TMEM222: variants seen among roughly 807,000 people sequenced by gnomAD.
The protein encoded by TMEM222 is chromosome 1 open reading frame 160.
In TMEM222, 18 loss-of-function variants were observed where a neutral mutation model predicts 25.1. That is an observed-to-expected ratio of 0.72 (90% CI 0.50 to 1.06). The LOEUF is 1.06. Among genes scored for constraint, TMEM222 ranks in the 50% least tolerant of loss-of-function variants. TMEM222 has a pLI of 0.00. For missense variants in TMEM222, 296 were observed against 293.7 expected (o/e 1.01, Z -0.06); for synonymous variants, 131 against 117.9 (o/e 1.11, Z -0.72).
chr1:27,331,152 G>C (rs560973537), intron 2 of TMEM222: 67 of 1,145,060 alleles, frequency 5.9e-5, no homozygotes, highest in Middle Eastern at 4.7e-4. Flanking sequence ...GAGTCAAGGT[G>C]GGGGGACACG....
rs774169412 is a variant in TMEM222 at position 27,335,402 on chromosome 1, G to T, written c.563G>T (p.Trp188Leu). 22 of 1,614,080 alleles carry T rather than the reference G, an allele frequency of 1.4e-5. No homozygotes were observed. The highest frequency in any genetic ancestry group is 1.7e-5 in the Non-Finnish European group (20 of 1,180,038). Residue 188 changes from tryptophan (W) to leucine (L), a missense_variant, in exon 6 of 6, where the codon TGG (tryptophan) becomes TTG (leucine). Trp to Leu is a moderately conservative substitution (Grantham distance 61). Coordinates refer to ENST00000374076, the MANE Select transcript of TMEM222 (RefSeq NM_032125.3). ...YVSVGAFVKT[W>L]LPFILLLGII... ...AGCGTTGGGGCCTTCGTGAAGACCT[G>T]GCTGCCCTTCATCCTTCTCCTGGGC...
In TMEM222 at chr1:27,322,245, A is replaced by C; in HGVS notation, c.48A>C (p.Pro16=). ...CTCTGCTCTTGTTGCCGCCGCCGCC[A>C]CCCCCGCCCAGGATGGCGGAAGTGG... ...GSSLLLLPPP[P]PPPRMAEVEA... is the part of the protein sequence containing the mutation. The change falls in exon 1 of 6, where the codon CCA becomes CCC. Residue 16 remains proline (P), a synonymous_variant. Coordinates refer to ENST00000374076, the MANE Select transcript of TMEM222 (RefSeq NM_032125.3). The C allele has an allele frequency of 5.4e-6, 8 of 1,471,288 alleles. No homozygotes were observed. Among genetic ancestry groups the C allele is most frequent in the Non-Finnish European group, 7.2e-6 (8 of 1,106,006 alleles). 91.1% of individuals were successfully genotyped at this position (1,471,288 alleles called of 1,614,324 possible). A position where few individuals can be genotyped will look rare whatever the true frequency, so the allele number is the denominator to read the frequency against.
rs761815638 is a variant in TMEM222 at position 27,335,388 on chromosome 1, C to T, written c.549C>T (p.Ala183=). 3 of 1,614,112 alleles carry T rather than the reference C, an allele frequency of 1.9e-6. No homozygotes were observed. Among genetic ancestry groups the T allele is most frequent in the South Asian group, 2.2e-5 (2 of 91,094 alleles). Residue 183 remains alanine (A), a synonymous_variant, in exon 6 of 6, where the codon GCC becomes GCT. Coordinates refer to ENST00000374076, the MANE Select transcript of TMEM222 (RefSeq NM_032125.3). ...CCTTTCTCTCTGTCAGCGTTGGGGCCTTCGTGAAGACCTGGCTGCCCTTCA... is the reference window on the plus strand; with the variant it reads ...CCTTTCTCTCTGTCAGCGTTGGGGCTTTCGTGAAGACCTGGCTGCCCTTCA... The part of the protein sequence containing the change: ...LLYGKYVSVG[A]FVKTWLPFIL...
At chr1:27,328,839 G>A (rs2014412857) in intron 1 of TMEM222, among the ~76,000 whole-genome samples, 1 of 152,174 alleles carries the variant, frequency 6.6e-6, no homozygotes, top group Non-Finnish European at 1.5e-5. Flanking sequence ...CGTCTCTGGA[G>A]GCTTGGCCTG....
At chr1:27,327,691 G>T (rs1210920310) in intron 1 of TMEM222, among the ~76,000 whole-genome samples, 1 of 151,576 alleles carries the variant, frequency 6.6e-6, no homozygotes, top group Non-Finnish European at 1.5e-5. Flanking sequence ...GCCCAGCCTT[G>T]ACTCACTGCA....
chr1:27,331,039 C>T, intron 2 of TMEM222: 1 of 1,428,944 alleles, frequency 7.0e-7, no homozygotes, highest in Non-Finnish European at 9.2e-7. Context: ...TGACCCAGCC[C>T]TTTGCCCCCA....
At chr1:27,325,362 A>G in intron 1 of TMEM222, 1 of 891,806 alleles carries the variant, frequency 1.1e-6, no homozygotes. Flanking sequence ...GGCCACTACC[A>G]CATCCTCCTC....
At position 27,333,359 on chromosome 1, in the gene TMEM222, A is replaced by G. The variant is rs183420924; in HGVS notation, c.312-599A>G. 4 of 471,134 alleles carry G rather than the reference A, an allele frequency of 8.5e-6. No homozygotes were observed. The East Asian group carries it at 2.1e-4, about 25-fold the overall frequency. 29.2% of individuals were successfully genotyped at this position (471,134 alleles called of 1,614,324 possible). A position where few individuals can be genotyped will look rare whatever the true frequency, so the allele number is the denominator to read the frequency against. The stretch of plus-strand genomic sequence containing the variant: ...AACCCTCTTCCTTCATACTGGACCC[A>G]GGTGTCACCTCCAGGAAGCCTTCTC... On this transcript the variant is annotated intron_variant, in intron 3 of 5. Coordinates refer to ENST00000374076, the MANE Select transcript of TMEM222 (RefSeq NM_032125.3).
intron 2 of TMEM222, chr1:27,331,062 C>G: frequency 7.2e-7 from 1 of 1,389,116 alleles, no homozygotes; most frequent in South Asian, 1.6e-5. Flanking sequence ...CCTGGGGTAC[C>G]GAGACATGGG....
chr1:27,330,381 A>C (rs1423622657), intron 1 of TMEM222, among the ~76,000 whole-genome samples: 1 of 151,760 alleles, frequency 6.6e-6, no homozygotes, highest in Non-Finnish European at 1.5e-5. Flanking sequence ...TGGGCGACAG[A>C]GCGAGACTCC....
chr1:27,334,365 C>A, intron 5 of TMEM222, 84 bp downstream of exon 5: 1 of 1,583,896 alleles, frequency 6.3e-7, no homozygotes, highest in South Asian at 1.2e-5. Context: ...TCCTAGCGTC[C>A]TTCAGTCAGC....
intron 5 of TMEM222, chr1:27,334,699 GC>G: frequency 1.5e-6 from 2 of 1,362,946 alleles, no homozygotes; most frequent in African/African-American, 1.5e-5. Context: ...TGAGTGAGTC[GC>G]CCATGGTCGC....
intron 1 of TMEM222, among the ~76,000 whole-genome samples, chr1:27,323,889 A>G (rs1443879438): frequency 6.6e-6 from 1 of 152,276 alleles, no homozygotes; most frequent in Non-Finnish European, 1.5e-5. Context: ...TGATGCGAAT[A>G]TACAGTGATG....
At chr1:27,325,372 C>T in intron 1 of TMEM222, 4 of 949,380 alleles carry the variant, frequency 4.2e-6, no homozygotes, top group Non-Finnish European at 6.9e-6. Flanking sequence ...ACATCCTCCT[C>T]CCTGGAGAAG....
intron 1 of TMEM222, among the ~76,000 whole-genome samples, chr1:27,326,933 A>G (rs757710070): frequency 6.7e-6 from 1 of 149,996 alleles, no homozygotes; most frequent in Non-Finnish European, 1.5e-5. Context: ...TCTGATTTCC[A>G]TCCACTGCTG....
chr1:27,325,605 A>T, intron 1 of TMEM222: 1 of 940,894 alleles, frequency 1.1e-6, no homozygotes, highest in South Asian at 1.3e-5. Context: ...CACCGACAGG[A>T]TGCAGAAGGA....
In TMEM222 at chr1:27,322,232, T is replaced by TGCCGCCGCC. The variant is rs769526371; in HGVS notation, c.39_47dup (p.Pro17_Pro19dup). The stretch of plus-strand genomic sequence containing the variant: ...GCGGAAGGGAGTTCTCTGCTCTTGT[T>TGCCGCCGCC]GCCGCCGCCGCCACCCCCGCCCAGG... On this transcript the variant is annotated inframe_insertion, in exon 1 of 6. Transcript: ENST00000374076. 2 of 1,457,502 alleles carry TGCCGCCGCC rather than the reference T, an allele frequency of 1.4e-6. No individual in the cohort carries two copies. Among genetic ancestry groups the TGCCGCCGCC allele is most frequent in the Admixed American group, 5.5e-5 (2 of 36,526 alleles). The allele number at this position is 1,457,502 out of a possible 1,614,324, so 90.3% of individuals were successfully genotyped here. A position where few individuals can be genotyped will look rare whatever the true frequency, so the allele number is the denominator to read the frequency against.
rs572303112 is a variant in TMEM222, at chr1:27,322,248, C to T, written c.51C>T (p.Pro17=). The change falls in exon 1 of 6, where the codon CCC becomes CCT. Residue 17 remains proline (P), a synonymous_variant. Coordinates refer to ENST00000374076, the MANE Select transcript of TMEM222 (RefSeq NM_032125.3). ...TGCTCTTGTTGCCGCCGCCGCCACC[C>T]CCGCCCAGGATGGCGGAAGTGGAGG... ...SSLLLLPPPP[P]PPRMAEVEAP... 99 of 1,494,584 alleles carry T rather than the reference C, an allele frequency of 6.6e-5. No individual in the cohort carries two copies. The highest frequency in any genetic ancestry group is 7.6e-5 in the South Asian group (6 of 78,828). The allele number at this position is 1,494,584 out of a possible 1,614,324, so 92.6% of individuals were successfully genotyped here. A position where few individuals can be genotyped will look rare whatever the true frequency, so the allele number is the denominator to read the frequency against.
At chr1:27,326,590 T>C (rs774111104) in intron 1 of TMEM222, among the ~76,000 whole-genome samples, 19 of 152,164 alleles carry the variant, frequency 1.2e-4, no homozygotes, top group Non-Finnish European at 2.2e-4. Context: ...CAGCTAAGAT[T>C]AGATGCTTAC....
Sources: allele counts gnomAD v4.1 joint callset (sites outside exome capture counted in the v4.1 genomes callset), GRCh38; gene constraint gnomAD v4.1.1; transcripts MANE v1.5; gene names NCBI Gene and HGNC (gene_info 2026-07-23, HGNC 2026-07-21).